PRUNE1: variants seen among roughly 807,000 people sequenced by gnomAD.
PRUNE1 encodes prune exopolyphosphatase 1.
In PRUNE1, 25 loss-of-function variants were observed where a neutral mutation model predicts 42.5. That is an observed-to-expected ratio of 0.59 (90% CI 0.43 to 0.82). PRUNE1 has a LOEUF of 0.82. PRUNE1 is among the 40% of genes least tolerant of loss of function. PRUNE1 has a pLI of 0.00. For synonymous variants in PRUNE1, 203 were observed against 217.1 expected, an observed-to-expected ratio of 0.93 and a Z score of 0.57; for missense variants, 443 against 539.3, an observed-to-expected ratio of 0.82 and a Z score of 1.77.
chr1:151,025,586 G>A lies in PRUNE1; in HGVS notation c.592G>A (p.Val198Met), dbSNP rs773122203. ...GGCAACCCCAAAGGACAGCAAATAT[G>A]TGGAGAAACTAGAGGCCCTTTTCCC... ...GKATPKDSKY[V>M]EKLEALFPDL... Residue 198 changes from valine (V) to methionine (M), a missense_variant, in exon 5 of 8, where the codon GTG (valine) becomes ATG (methionine). Physicochemically the swap from Val to Met is conservative, Grantham distance 21. Transcript: ENST00000271620. 4.3e-6 allele frequency: 7 copies of A among 1,613,772 alleles called. 1 individual carries two copies. The South Asian group carries it at 7.7e-5, about 18-fold the overall frequency.
intron 1 of PRUNE1, among the ~76,000 whole-genome samples, chr1:151,011,896 A>T (rs2102896186): frequency 6.6e-6 from 1 of 151,742 alleles, no homozygotes; most frequent in Non-Finnish European, 1.5e-5. Context: ...TTCCTGCCTC[A>T]GCCTCCCGAG....
chr1:151,029,318 C>T (rs905632780), intron 7 of PRUNE1, among the ~76,000 whole-genome samples: 1 of 150,772 alleles, frequency 6.6e-6, no homozygotes, highest in Non-Finnish European at 1.5e-5. Flanking sequence ...TGCCTGTAGT[C>T]CCAGCAACTC....
rs1675506354 is a variant in PRUNE1 at position 151,035,506 on chromosome 1, G to C, written c.*1272G>C. The C allele has an allele frequency of 6.6e-6, 1 of 152,474 alleles. No individual in the cohort carries two copies. Among genetic ancestry groups the C allele is most frequent in the Non-Finnish European group, 1.5e-5 (1 of 68,032 alleles). 9.4% of individuals were successfully genotyped at this position (152,474 alleles called of 1,614,324 possible). A position where few individuals can be genotyped will look rare whatever the true frequency, so the allele number is the denominator to read the frequency against. ...CTCTGTTCCATGTAAGTTGCCAACA[G>C]TTTCACTGAACAGTGGGGTATGTGA... On this transcript the variant is annotated 3_prime_UTR_variant, in exon 8 of 8. Transcript: ENST00000271620.
chr1:151,013,929 A>G (rs1673937211), intron 1 of PRUNE1, among the ~76,000 whole-genome samples: 1 of 152,052 alleles, frequency 6.6e-6, no homozygotes, highest in Non-Finnish European at 1.5e-5. Flanking sequence ...GGAAAAAAGT[A>G]AAGAATCCCC....
intron 5 of PRUNE1, among the ~76,000 whole-genome samples, chr1:151,026,973 A>G (rs1674880159): frequency 6.6e-6 from 1 of 151,246 alleles, no homozygotes; most frequent in Non-Finnish European, 1.5e-5. Flanking sequence ...TTTAGTAGAG[A>G]CAGAGTTTCA....
At chr1:151,015,065 C>T (rs1235976377) in intron 1 of PRUNE1, among the ~76,000 whole-genome samples, 4 of 152,106 alleles carry the variant, frequency 2.6e-5, no homozygotes, top group Admixed American at 6.6e-5. Flanking sequence ...TGGTGGCTCA[C>T]GCCTGTAATC....
At chr1:151,027,780 G>GCGCGCA (rs1558086802) in intron 6 of PRUNE1, among the ~76,000 whole-genome samples, 9 of 148,408 alleles carry the variant, frequency 6.1e-5, no homozygotes, top group African/African-American at 2.2e-4. Flanking sequence ...GTGTGTGTGT[G>GCGCGCA]TGCGCGCGCG....
In PRUNE1 at chr1:151,008,507, G is replaced by A; in HGVS notation, c.-126G>A. 1 of 1,330,266 alleles carries A rather than the reference G, an allele frequency of 7.5e-7. No homozygotes were observed. The highest frequency in any genetic ancestry group is 2.3e-5 in the East Asian group (1 of 43,340). The allele number at this position is 1,330,266 out of a possible 1,614,324, so 82.4% of individuals were successfully genotyped here. ...CCGATTCGCCGTGTGGCGGGTTCGAGTCCCGCCTCCTGACTCTGGCCTCTA... is the reference window on the plus strand; with the variant it reads ...CCGATTCGCCGTGTGGCGGGTTCGAATCCCGCCTCCTGACTCTGGCCTCTA... On this transcript the variant is annotated 5_prime_UTR_variant, in exon 1 of 8. Transcript: ENST00000271620.
rs587627495 is a variant in PRUNE1 at position 151,035,625 on chromosome 1, G to T, written c.*1391G>T. ...AGCTATGTGGAAGGTAAAAATAGTGGTGTGATCATGAACCAAAGGAATTTA... is the reference window on the plus strand; with the variant it reads ...AGCTATGTGGAAGGTAAAAATAGTGTTGTGATCATGAACCAAAGGAATTTA... On this transcript the variant is annotated 3_prime_UTR_variant, in exon 8 of 8. Coordinates refer to ENST00000271620, the MANE Select transcript of PRUNE1 (RefSeq NM_021222.3). 1 of 152,682 alleles carries T rather than the reference G, an allele frequency of 6.5e-6. No homozygotes were observed. The highest frequency in any genetic ancestry group is 2.1e-4 in the South Asian group (1 of 4,820). The allele number at this position is 152,682 out of a possible 1,614,324, so 9.5% of individuals were successfully genotyped here. A position where few individuals can be genotyped will look rare whatever the true frequency, so the allele number is the denominator to read the frequency against.
rs1158056152 is a variant in PRUNE1 at position 151,035,035 on chromosome 1, C to G, written c.*801C>G. The G allele has an allele frequency of 3.3e-5, 5 of 152,238 alleles. No individual in the cohort carries two copies. Among genetic ancestry groups the G allele is most frequent in the African/African-American group, 1.2e-4 (5 of 41,452 alleles). 9.4% of individuals were successfully genotyped at this position (152,238 alleles called of 1,614,324 possible). Reference sequence around the variant, plus strand: ...ACTGGAATGAGAGGCCTGGGTCTGTCTCCTGCCTTAGCAGGCCTATCAATT... The same window carrying G: ...ACTGGAATGAGAGGCCTGGGTCTGTGTCCTGCCTTAGCAGGCCTATCAATT... On this transcript the variant is annotated 3_prime_UTR_variant, in exon 8 of 8. Transcript: ENST00000271620.
Position 151,014,904 on chromosome 1 carries a change from T to G in PRUNE1, c.40-2908T>G, listed in dbSNP as rs182480061. ...CAGGACAGCCTCCACAAAAAAAGAA[T>G]TATCCGGCTGGGCATGGTGGCTCAT... On this transcript the variant is annotated intron_variant, in intron 1 of 7. Coordinates refer to ENST00000271620, the MANE Select transcript of PRUNE1 (RefSeq NM_021222.3). 3.6e-3 allele frequency among the ~76,000 whole-genome samples: 555 copies of G among 152,316 alleles called. 4 individuals are homozygous for G. Among genetic ancestry groups the G allele is most frequent in the Non-Finnish European group, 6.4e-3 (435 of 68,026 alleles).
chr1:151,010,139 G>T (rs1297328514), intron 1 of PRUNE1, among the ~76,000 whole-genome samples: 1 of 152,144 alleles, frequency 6.6e-6, no homozygotes, highest in Non-Finnish European at 1.5e-5. Flanking sequence ...GTCTCACTCT[G>T]TTGCCCTGGC....
intron 3 of PRUNE1, among the ~76,000 whole-genome samples, chr1:151,024,177 A>G (rs373087102): frequency 7.7e-6 from 1 of 129,572 alleles, no homozygotes; most frequent in South Asian, 3.0e-4. Context: ...ACAGAGTGAG[A>G]CTCCGTCTCA....
intron 3 of PRUNE1, among the ~76,000 whole-genome samples, chr1:151,021,832 G>A (rs1375966284): frequency 6.6e-6 from 1 of 151,020 alleles, no homozygotes; most frequent in Non-Finnish European, 1.5e-5. Context: ...GTGTGTGTGT[G>A]TGTGTGTGTG....
chr1:151,020,751 G>A (rs587683300), intron 3 of PRUNE1, among the ~76,000 whole-genome samples: 4 of 152,096 alleles, frequency 2.6e-5, no homozygotes, highest in Non-Finnish European at 4.4e-5. Context: ...GGAGGCTGAG[G>A]GGGGCGGATC....
At chr1:151,031,654 C>T (rs1675253638) in intron 7 of PRUNE1, among the ~76,000 whole-genome samples, 1 of 152,138 alleles carries the variant, frequency 6.6e-6, no homozygotes, top group South Asian at 2.1e-4. Context: ...ATCATTGAAG[C>T]CTCAGTTTCC....
At chr1:151,021,417 C>A (rs1041246734) in intron 3 of PRUNE1, among the ~76,000 whole-genome samples, 3 of 151,994 alleles carry the variant, frequency 2.0e-5, no homozygotes, top group African/African-American at 7.2e-5. Flanking sequence ...ATCATGCCAT[C>A]GCACTCCAGC....
chr1:151,025,065 G>T (rs764163261), intron 4 of PRUNE1, among the ~76,000 whole-genome samples: 7 of 152,118 alleles, frequency 4.6e-5, no homozygotes, highest in Non-Finnish European at 1.0e-4. Context: ...ATTAGCTAAA[G>T]AAGCAGGAAA....
intron 1 of PRUNE1, among the ~76,000 whole-genome samples, chr1:151,011,557 G>A (rs1181528333): frequency 6.6e-6 from 1 of 152,120 alleles, no homozygotes; most frequent in African/African-American, 2.4e-5. Context: ...TCTGCTGAGA[G>A]GGTTTGTCTC....
Sources: gnomAD v4.1 joint callset for allele counts (sites outside exome capture counted in the v4.1 genomes callset) on GRCh38, gnomAD v4.1.1 for gene constraint, MANE v1.5 for transcripts, NCBI Gene and HGNC (gene_info 2026-07-23, HGNC 2026-07-21) for gene names.